AP3B1: variants seen among roughly 807,000 people sequenced by gnomAD.
The protein encoded by AP3B1 is AP-3 complex subunit beta-1.
A neutral mutation model predicts 132.5 loss-of-function variants in AP3B1; 61 were observed. The ratio of observed to expected loss-of-function variants is 0.46; its 90% CI spans 0.37 to 0.57. The LOEUF (loss-of-function observed/expected upper bound fraction) is 0.57. AP3B1 is among the 20% of genes least tolerant of loss of function. AP3B1 has a pLI of 0.00. For synonymous variants in AP3B1, 388 were observed against 438.3 expected (o/e 0.89, Z 1.43); for missense variants, 1,120 against 1,289.4 (o/e 0.87, Z 2.01).
chr5:78,109,727 A>T (rs547168329), intron 20 of AP3B1, among the ~76,000 whole-genome samples: 1 of 152,130 alleles, frequency 6.6e-6, no homozygotes, highest in South Asian at 2.1e-4. Flanking sequence ...TGTTATTACC[A>T]AAAAGCATTA....
intron 15 of AP3B1, among the ~76,000 whole-genome samples, chr5:78,137,751 A>AT (rs1454001105): frequency 6.6e-6 from 1 of 152,210 alleles, no homozygotes; most frequent in East Asian, 1.9e-4. Flanking sequence ...CTGCTAACTA[A>AT]TTTTTAAATT....
chr5:78,238,128 C>A (rs1580528533), intron 3 of AP3B1, among the ~76,000 whole-genome samples: 1 of 152,214 alleles, frequency 6.6e-6, no homozygotes, highest in East Asian at 1.9e-4. Context: ...CTCGCATTAC[C>A]TCCTGAGCTC....
intron 25 of AP3B1, among the ~76,000 whole-genome samples, chr5:78,019,534 T>C (rs1482391828): frequency 1.3e-5 from 2 of 152,022 alleles, no homozygotes; most frequent in Non-Finnish European, 2.9e-5. Flanking sequence ...GAATAGCAAA[T>C]ATAAGAATCA....
At chr5:78,145,885 A>G (rs866872408) in intron 14 of AP3B1, among the ~76,000 whole-genome samples, 1 of 152,160 alleles carries the variant, frequency 6.6e-6, no homozygotes, top group African/African-American at 2.4e-5. Flanking sequence ...CTTCCAGAAG[A>G]AAGATGGACC....
chr5:78,032,115 T>C (rs1348942509), intron 24 of AP3B1, among the ~76,000 whole-genome samples: 1 of 152,220 alleles, frequency 6.6e-6, no homozygotes, highest in Admixed American at 6.5e-5. Flanking sequence ...TTATCAGATA[T>C]ACATATAACT....
At chr5:78,202,138 C>T (rs1189481346) in intron 7 of AP3B1, among the ~76,000 whole-genome samples, 2 of 152,182 alleles carry the variant, frequency 1.3e-5, no homozygotes, top group East Asian at 3.8e-4. Context: ...TTTCCCTGCA[C>T]AAGCTCTCTC....
chr5:78,020,991 C>T (rs956203484), intron 24 of AP3B1, among the ~76,000 whole-genome samples: 2 of 151,824 alleles, frequency 1.3e-5, no homozygotes, highest in African/African-American at 2.4e-5. Flanking sequence ...TTATCTCAAT[C>T]AAGATTTTTT....
chr5:78,216,766 T>A (rs1445727178), intron 6 of AP3B1, among the ~76,000 whole-genome samples: 1 of 152,158 alleles, frequency 6.6e-6, no homozygotes, highest in Non-Finnish European at 1.5e-5. Context: ...CACCGGTTTT[T>A]ACCCAATATA....
At chr5:78,030,584 C>T (rs1266571607) in intron 24 of AP3B1, among the ~76,000 whole-genome samples, 4 of 152,146 alleles carry the variant, frequency 2.6e-5, no homozygotes, top group African/African-American at 7.2e-5. Context: ...CAAAAATTCA[C>T]CAGGACGTGA....
At chr5:78,079,539 T>C in intron 22 of AP3B1, among the ~76,000 whole-genome samples, 1 of 152,190 alleles carries the variant, frequency 6.6e-6, no homozygotes. Flanking sequence ...ATTGATTTAG[T>C]ATATAATTCT....
At position 78,225,615 on chromosome 5, in the gene AP3B1, A is replaced by T. The variant is rs773657171; in HGVS notation, c.537-7T>A. 28 of 1,519,626 alleles carry T rather than the reference A, an allele frequency of 1.8e-5. No homozygotes were observed. Among genetic ancestry groups the T allele is most frequent in the Non-Finnish European group, 2.4e-5 (26 of 1,098,020 alleles). The allele number at this position is 1,519,626 out of a possible 1,614,324, so 94.1% of individuals were successfully genotyped here. On this transcript the variant is annotated splice_region_variant and splice_polypyrimidine_tract_variant and intron_variant, in intron 5 of 26. Coordinates refer to ENST00000255194, the MANE Select transcript of AP3B1 (RefSeq NM_003664.5). The stretch of plus-strand genomic sequence containing the variant: ...CTTCTGCTCTGGATCAAGGCTAAAA[A>T]ATACAAAAATAACATATTAATTTTT...
At chr5:78,058,315 C>A (rs1367976822) in intron 22 of AP3B1, among the ~76,000 whole-genome samples, 2 of 152,050 alleles carry the variant, frequency 1.3e-5, no homozygotes, top group Admixed American at 6.5e-5. Flanking sequence ...GCCTGGCCAA[C>A]ATGGTGAAAC....
intron 7 of AP3B1, among the ~76,000 whole-genome samples, chr5:78,214,678 A>G (rs1745882801): frequency 6.6e-6 from 1 of 152,194 alleles, no homozygotes; most frequent in African/African-American, 2.4e-5. Flanking sequence ...GGCAACAAAA[A>G]TCTCTCATCA....
At chr5:78,062,384 G>C (rs773603843) in intron 22 of AP3B1, among the ~76,000 whole-genome samples, 7 of 151,866 alleles carry the variant, frequency 4.6e-5, no homozygotes, top group Non-Finnish European at 1.0e-4. Flanking sequence ...TATCTCTTTG[G>C]GGTGGCCAGT....
chr5:78,141,415 TATTA>T (rs925258020), intron 14 of AP3B1, 96 bp from the exon 15 acceptor site: 8 of 915,362 alleles, frequency 8.7e-6, no homozygotes, highest in African/African-American at 5.0e-5. Context: ...GTTTTACAGC[TATTA>T]ATTAATTTAA....
rs1027244888 is a variant in AP3B1, at chr5:78,175,797, G to A, written c.1082C>T (p.Ser361Leu). ...GAACATACATACCTTTCTTTGAATT[G>A]ACATAGTTGCTATATTTTGTAGGAC... ...YIVLQNIATM[S>L]IQRKGMFEPY... Residue 361 changes from serine (S) to leucine (L), a missense_variant, in exon 10 of 27, where the codon TCA (serine) becomes TTA (leucine). Coordinates refer to ENST00000255194, the MANE Select transcript of AP3B1 (RefSeq NM_003664.5). 1.2e-6 allele frequency: 2 copies of A among 1,612,228 alleles called. No homozygotes were observed. The highest frequency in any genetic ancestry group is 1.7e-6 in the Non-Finnish European group (2 of 1,179,078).
At chr5:78,066,524 C>T (rs1048234569) in intron 22 of AP3B1, among the ~76,000 whole-genome samples, 1 of 152,118 alleles carries the variant, frequency 6.6e-6, no homozygotes, top group Admixed American at 6.5e-5. Context: ...ATGCAACCCA[C>T]AAGTATCAAT....
intron 22 of AP3B1, among the ~76,000 whole-genome samples, chr5:78,065,360 G>A (rs1201048246): frequency 6.6e-6 from 1 of 152,132 alleles, no homozygotes; most frequent in African/African-American, 2.4e-5. Flanking sequence ...CTGAGCTTTG[G>A]CAGGGGAAGG....
chr5:78,204,799 T>C (rs1745437651), intron 7 of AP3B1, among the ~76,000 whole-genome samples: 1 of 152,204 alleles, frequency 6.6e-6, no homozygotes, highest in African/African-American at 2.4e-5. Context: ...GAAGGGAGGA[T>C]AGAGTGAGGG....
Sources: allele counts gnomAD v4.1 joint callset (sites outside exome capture counted in the v4.1 genomes callset), GRCh38; gene constraint gnomAD v4.1.1; transcripts MANE v1.5; gene names NCBI Gene and HGNC (gene_info 2026-07-23, HGNC 2026-07-21).